SETD2: variants seen among roughly 807,000 people sequenced by gnomAD.
The protein encoded by SETD2 is SET domain containing 2, histone lysine methyltransferase, also known as histone-lysine N-methyltransferase SETD2.
SETD2 carries 31 observed loss-of-function variants against 242.1 expected under a neutral mutation model. That is an observed-to-expected ratio of 0.13 (90% CI 0.10 to 0.17). The LOEUF is 0.17. Among genes scored for constraint, SETD2 ranks in the 10% least tolerant of loss-of-function variants. The probability of loss-of-function intolerance (pLI) is 1.00; values close to 1 mark genes in which losing one functional copy is unlikely to be tolerated. For synonymous variants in SETD2, 1,006 were observed against 1,066.5 expected (o/e 0.94, Z 1.11); for missense variants, 2,481 against 3,046.3 (o/e 0.81, Z 4.37).
In SETD2 at chr3:47,121,277, A is replaced by T. The variant is rs2106644602; in HGVS notation, c.3359T>A (p.Ile1120Lys). ...AGTTTGAGGACAGGCTTTACTTGCT[A>T]TACTTTCAAATTTTTCCTCATACAA... ...RHLYEEKFES[I>K]ASKACPQTDK... Residue 1120 changes from isoleucine to lysine, a missense_variant, in exon 3 of 21, where the codon ATA becomes AAA. Around this residue, in one of 17 missense-constraint regions of SETD2, gnomAD observed 1,300 missense variants for 1,259.2 expected, o/e 1.03. Transcript: ENST00000409792. The T allele has an allele frequency of 1.2e-6, 2 of 1,613,738 alleles. No homozygotes were observed. The highest frequency in any genetic ancestry group is 2.2e-5 in the South Asian group (2 of 91,080).
chr3:47,080,978 A>G, intron 12 of SETD2: 5 of 986,914 alleles, frequency 5.1e-6, no homozygotes, highest in Non-Finnish European at 6.0e-6. Context: ...CACAGAATGC[A>G]CGCTAGGTTC....
chr3:47,017,868 A>G lies in SETD2; in HGVS notation c.7432-129T>C. ...CTTCTCCTTTTCCTCCCTCAGGTTA[A>G]CTGGTTTGGACAGTGGAATACTAGT... is the stretch of plus-strand genomic sequence containing the variant. On this transcript the variant is annotated intron_variant, in intron 19 of 20. Transcript: ENST00000409792. This position sits in a 1 kb window ranked among gnomAD's most constrained non-coding sequence, Gnocchi z 4.8. 1 of 701,532 alleles carries G rather than the reference A, an allele frequency of 1.4e-6. No homozygotes were observed. The highest frequency in any genetic ancestry group is 1.6e-5 in the South Asian group (1 of 61,580). The allele number at this position is 701,532 out of a possible 1,614,324, so 43.5% of individuals were successfully genotyped here.
intron 9 of SETD2, among the ~76,000 whole-genome samples, chr3:47,097,502 A>C (rs890216600): frequency 2.0e-5 from 3 of 152,186 alleles, no homozygotes; most frequent in Admixed American, 1.3e-4. Flanking sequence ...AAATAAAAAG[A>C]GCATCTGTGA....
At chr3:47,021,823 A>T (rs868123672) in intron 18 of SETD2, among the ~76,000 whole-genome samples, 4 of 151,798 alleles carry the variant, frequency 2.6e-5, no homozygotes, top group Non-Finnish European at 4.4e-5. Flanking sequence ...CAACCTTAGG[A>T]CCCCCCACTC....
chr3:47,056,101 TA>T (rs2040067975), intron 15 of SETD2, among the ~76,000 whole-genome samples: 1 of 89,860 alleles, frequency 1.1e-5, no homozygotes, highest in African/African-American at 3.4e-5. Context: ...GATTTTTATT[TA>T]TTTATTTATT....
At chr3:47,059,773 A>T (rs2040255805) in intron 14 of SETD2, among the ~76,000 whole-genome samples, 1 of 151,268 alleles carries the variant, frequency 6.6e-6, no homozygotes, top group African/African-American at 2.4e-5. Context: ...TGGTGGTTAC[A>T]AAACTGTATG....
At chr3:47,052,028 A>G (rs2039869110) in intron 15 of SETD2, among the ~76,000 whole-genome samples, 1 of 152,194 alleles carries the variant, frequency 6.6e-6, no homozygotes, top group East Asian at 1.9e-4. Flanking sequence ...CTAGACTTCT[A>G]GGCTTTTAAC....
Position 47,062,223 on chromosome 3 carries a change from C to T in SETD2, c.6233G>A (p.Arg2078Lys), listed in dbSNP as rs2040364181. 1 of 1,614,090 alleles carries T rather than the reference C, an allele frequency of 6.2e-7. No individual in the cohort carries two copies. The highest frequency in any genetic ancestry group is 1.3e-5 in the African/African-American group (1 of 75,030). ...QTQNKEKRKR[R>K]SSLSPPSSAY... ...AGAAGAGGGTGGTGAGAGGGAGCTTCTTCGTTTCCTTTTCTCTTTATTTTG... is the reference window on the plus strand; with the variant it reads ...AGAAGAGGGTGGTGAGAGGGAGCTTTTTCGTTTCCTTTTCTCTTTATTTTG... The change falls in exon 14 of 21, where the codon AGA becomes AAA. Residue 2078 changes from arginine (R) to lysine (K), a missense_variant. Coordinates refer to ENST00000409792, the MANE Select transcript of SETD2 (RefSeq NM_014159.7).
rs550246455 is a variant in SETD2, at chr3:47,142,738, G to T, written c.72-16075C>A. 2.4e-4 allele frequency among the ~76,000 whole-genome samples: 36 copies of T among 149,576 alleles called. No homozygotes were observed. In the Middle Eastern group the frequency reaches 0.01, roughly 43 times the overall value. On this transcript the variant is annotated intron_variant, in intron 1 of 20. Transcript: ENST00000409792. The stretch of plus-strand genomic sequence containing the variant: ...GGCTGGAGTGCAATGGCGCAATCTC[G>T]CTCACTGCAACCTCCGCCTCCCAGG...
At chr3:47,086,916 T>C (rs2041584843) in intron 10 of SETD2, among the ~76,000 whole-genome samples, 1 of 151,920 alleles carries the variant, frequency 6.6e-6, no homozygotes, top group Admixed American at 6.6e-5. Context: ...GGTGTGTGCC[T>C]GTAGTCCTAG....
intron 5 of SETD2, among the ~76,000 whole-genome samples, chr3:47,111,942 C>T (rs2042667730): frequency 6.6e-6 from 1 of 152,110 alleles, no homozygotes; most frequent in Admixed American, 6.6e-5. Context: ...CCAACTGTGG[C>T]CATATGCTCA....
intron 13 of SETD2, chr3:47,064,777 T>A (rs1233373657): frequency 2.0e-5 from 3 of 151,630 alleles, no homozygotes; most frequent in Middle Eastern, 3.2e-3. Context: ...TAAATATATA[T>A]AAAATATATA....
At chr3:47,062,137 C>CA (rs754378842) in intron 14 of SETD2, 26 bp downstream of exon 14, 13 of 1,595,766 alleles carry the variant, frequency 8.1e-6, no homozygotes, top group Admixed American at 1.8e-5. Flanking sequence ...AAAACAAAAA[C>CA]AAAAAAACTC....
chr3:47,128,775 T>C (rs917167518), intron 1 of SETD2, among the ~76,000 whole-genome samples: 1 of 152,228 alleles, frequency 6.6e-6, no homozygotes, highest in African/African-American at 2.4e-5. Context: ...ATAATAGTTT[T>C]AACTGAAAAT....
At chr3:47,091,944 T>C (rs1431047934) in intron 9 of SETD2, among the ~76,000 whole-genome samples, 2 of 151,676 alleles carry the variant, frequency 1.3e-5, no homozygotes, top group Non-Finnish European at 2.9e-5. Flanking sequence ...AATACTCTCT[T>C]AAAAACAAAC....
intron 15 of SETD2, among the ~76,000 whole-genome samples, chr3:47,050,013 A>T (rs967174768): frequency 2.0e-5 from 3 of 147,332 alleles, no homozygotes; most frequent in Non-Finnish European, 4.5e-5. Flanking sequence ...TATATATATA[A>T]ACATATATAT....
intron 9 of SETD2, among the ~76,000 whole-genome samples, chr3:47,094,009 G>C (rs551272939): frequency 6.6e-6 from 1 of 152,168 alleles, no homozygotes; most frequent in Non-Finnish European, 1.5e-5. Context: ...TTATTAATAG[G>C]ATACTAGTTA....
At chr3:47,143,307 A>G (rs2106798731) in intron 1 of SETD2, among the ~76,000 whole-genome samples, 1 of 152,282 alleles carries the variant, frequency 6.6e-6, no homozygotes, top group Non-Finnish European at 1.5e-5. Flanking sequence ...AAACAAAACA[A>G]AAAAACTTTA....
rs115953934 is a variant in SETD2 at position 47,047,574 on chromosome 3, A to G, written c.6964-953T>C. Among the ~76,000 whole-genome samples, 1,475 of 152,312 alleles carry G rather than the reference A, an allele frequency of 9.7e-3. 6 individuals are homozygous for G. Among genetic ancestry groups the G allele is most frequent in the South Asian group, 0.017 (80 of 4,826 alleles). On this transcript the variant is annotated intron_variant, in intron 15 of 20. Transcript: ENST00000409792. ...CTCAAAATACAAAATATAATTCCAA[A>G]TGACACCAGTAAAAACTCAAGTAGT...
Sources: allele counts gnomAD v4.1 joint callset (sites outside exome capture counted in the v4.1 genomes callset), GRCh38; gene constraint gnomAD v4.1.1; regional missense constraint gnomAD v4.1.1; non-coding constraint Gnocchi (gnomAD v3.1); transcripts MANE v1.5; gene names NCBI Gene and HGNC (gene_info 2026-07-23, HGNC 2026-07-21).